Variants in DIS3L2 observed in about 807,000 individuals in gnomAD.
The protein encoded by DIS3L2 is DIS3 like 3'-5' exoribonuclease 2.
DIS3L2 carries 34 observed loss-of-function variants against 97.5 expected under a neutral mutation model. The observed-to-expected ratio is 0.35, with a 90% CI of 0.27 to 0.46. DIS3L2 has a LOEUF of 0.46. Among genes scored for constraint, DIS3L2 ranks in the 20% least tolerant of loss-of-function variants. The pLI, the probability that DIS3L2 is intolerant of heterozygous loss-of-function variation, is 1.00. For missense variants in DIS3L2, 1,038 were observed against 1,146.0 expected (o/e 0.91, Z 1.36); for synonymous variants, 435 against 445.2 (o/e 0.98, Z 0.29).
chr2:232,294,271 G>A (rs767914258), intron 13 of DIS3L2, among the ~76,000 whole-genome samples: 4 of 152,182 alleles, frequency 2.6e-5, no homozygotes, highest in African/African-American at 4.8e-5. Flanking sequence ...TAGAGGTTGG[G>A]TCTGCTTCCC....
At chr2:232,267,857 T>C (rs1284119977) in intron 13 of DIS3L2, among the ~76,000 whole-genome samples, 1 of 152,228 alleles carries the variant, frequency 6.6e-6, no homozygotes, top group African/African-American at 2.4e-5. Context: ...AGACAAGGCC[T>C]CAGGCTTCTT....
chr2:232,077,957 C>CTTTCTTTCTTTCT (rs1696250219), intron 5 of DIS3L2, among the ~76,000 whole-genome samples: 2 of 32,078 alleles, frequency 6.2e-5, no homozygotes, highest in Admixed American at 2.9e-4. Context: ...CTTTCTTTCT[C>CTTTCTTTCTTTCT]TTTCTTTCTT....
intron 13 of DIS3L2, among the ~76,000 whole-genome samples, chr2:232,272,107 TG>T (rs1188881528): frequency 2.0e-5 from 3 of 152,252 alleles, no homozygotes; most frequent in African/African-American, 7.2e-5. Flanking sequence ...GAACTCTTCA[TG>T]TGCTTACTCT....
intron 1 of DIS3L2, among the ~76,000 whole-genome samples, chr2:231,962,437 CTT>C (rs752430172): frequency 4.5e-5 from 6 of 132,050 alleles, no homozygotes; most frequent in Non-Finnish European, 4.8e-5. Flanking sequence ...CTACCGTTAC[CTT>C]TTTTTTTTTT....
chr2:231,971,493 G>C (rs1038702732), intron 1 of DIS3L2, among the ~76,000 whole-genome samples: 1 of 151,936 alleles, frequency 6.6e-6, no homozygotes, highest in Non-Finnish European at 1.5e-5. Context: ...TCTCGCCCAG[G>C]CTGGAGTGCA....
chr2:232,340,681 C>G (rs1237374751), downstream of DIS3L2: 1 of 468,984 alleles, frequency 2.1e-6, no homozygotes, highest in South Asian at 1.6e-5. Context: ...CATTCCATGA[C>G]CAGGGACTGG....
At chr2:232,225,015 CA>C (rs1465009653) in intron 10 of DIS3L2, among the ~76,000 whole-genome samples, 2 of 151,864 alleles carry the variant, frequency 1.3e-5, no homozygotes, top group African/African-American at 2.4e-5. Flanking sequence ...ATCTTAAGTC[CA>C]GGGGGAAAAT....
intron 10 of DIS3L2, among the ~76,000 whole-genome samples, chr2:232,222,209 C>T (rs1411299152): frequency 6.6e-6 from 1 of 152,164 alleles, no homozygotes; most frequent in Admixed American, 6.5e-5. Context: ...TCCCAAAGTG[C>T]TGGGATTACA....
At chr2:232,006,874 C>T (rs1694066976) in intron 1 of DIS3L2, among the ~76,000 whole-genome samples, 1 of 152,060 alleles carries the variant, frequency 6.6e-6, no homozygotes, top group African/African-American at 2.4e-5. Context: ...AACAAGCAAA[C>T]TGAGAGAATG....
intron 11 of DIS3L2, among the ~76,000 whole-genome samples, chr2:232,242,268 T>G (rs969432589): frequency 6.6e-6 from 1 of 152,174 alleles, no homozygotes; most frequent in Non-Finnish European, 1.5e-5. Context: ...AACCTCGAAG[T>G]CCTCGGAGAA....
At chr2:232,343,245 G>A (rs1696153438) in intron 13 of DIS3L2, 1 of 955,132 alleles carries the variant, frequency 1.0e-6, no homozygotes, top group Non-Finnish European at 1.6e-6. Context: ...AAGCTATGGA[G>A]CTGACGCAGG....
intron 3 of DIS3L2, among the ~76,000 whole-genome samples, chr2:232,022,841 C>G (rs1410628047): frequency 1.3e-5 from 2 of 152,132 alleles, no homozygotes; most frequent in Non-Finnish European, 2.9e-5. Flanking sequence ...TTCCCTCCTT[C>G]CCTCAACAAG....
chr2:232,016,261 G>C (rs12473319), intron 3 of DIS3L2, among the ~76,000 whole-genome samples: 9,520 of 152,214 alleles, frequency 0.063, 1,090 homozygotes, highest in East Asian at 0.5. Flanking sequence ...AATGTTTATG[G>C]AGCATCCATT....
intron 5 of DIS3L2, among the ~76,000 whole-genome samples, chr2:232,054,942 T>G (rs1218801994): frequency 6.6e-6 from 1 of 152,224 alleles, no homozygotes; most frequent in South Asian, 2.1e-4. Flanking sequence ...AATGTAAGAT[T>G]GGAGGATTAC....
chr2:232,044,106 A>G (rs927695021), intron 5 of DIS3L2, among the ~76,000 whole-genome samples: 13 of 151,380 alleles, frequency 8.6e-5, no homozygotes, highest in African/African-American at 3.2e-4. Context: ...TGGCAGATGG[A>G]GAGGCAGGGG....
chr2:232,034,645 C>A (rs1038197917), intron 5 of DIS3L2, among the ~76,000 whole-genome samples: 2 of 152,164 alleles, frequency 1.3e-5, no homozygotes, highest in Admixed American at 6.5e-5. Context: ...TTAGCTGTAT[C>A]CCAGAGATTC....
chr2:232,091,285 C>T (rs1385488927), intron 6 of DIS3L2, among the ~76,000 whole-genome samples: 2 of 152,136 alleles, frequency 1.3e-5, no homozygotes, highest in African/African-American at 4.8e-5. Context: ...ACCCATTAAC[C>T]ATTGCCACTT....
intron 6 of DIS3L2, among the ~76,000 whole-genome samples, chr2:232,090,639 C>G (rs1205446653): frequency 6.6e-6 from 1 of 152,160 alleles, no homozygotes; most frequent in African/African-American, 2.4e-5. Flanking sequence ...GTTATTGAAA[C>G]AAACCATAAC....
chr2:232,153,910 T>A (rs1405939265), intron 8 of DIS3L2, among the ~76,000 whole-genome samples: 2 of 151,876 alleles, frequency 1.3e-5, no homozygotes, highest in South Asian at 2.1e-4. Flanking sequence ...TTCTTTTTAT[T>A]CTTTTTTCTC....
Sources: allele counts gnomAD v4.1 joint callset (sites outside exome capture counted in the v4.1 genomes callset), GRCh38; gene constraint gnomAD v4.1.1; transcripts MANE v1.5; gene names NCBI Gene and HGNC (gene_info 2026-07-23, HGNC 2026-07-21).